Variants in GRAMD1B observed in about 807,000 individuals in gnomAD.
GRAMD1B encodes the protein GRAM domain containing 1B, also known as protein Aster-B.
GRAMD1B carries 37 observed loss-of-function variants against 99.7 expected under a neutral mutation model. The ratio of observed to expected loss-of-function variants is 0.37; its 90% CI spans 0.29 to 0.49. The LOEUF (loss-of-function observed/expected upper bound fraction) is 0.49. GRAMD1B is among the 20% of genes least tolerant of loss of function. The pLI is 0.98. For missense variants in GRAMD1B, 888 were observed against 1,009.2 expected (o/e 0.88, Z 1.63); for synonymous variants, 427 against 387.6 (o/e 1.10, Z -1.19).
At chr11:123,614,017 A>G (rs1213768436) in intron 16 of GRAMD1B, among the ~76,000 whole-genome samples, 1 of 152,128 alleles carries the variant, frequency 6.6e-6, no homozygotes, top group Non-Finnish European at 1.5e-5. Context: ...ACCTCATTAC[A>G]CAAAGATCAG....
chr11:123,424,253 CAAAAAAAAAAAA>C (rs1029881122), intron 1 of GRAMD1B, among the ~76,000 whole-genome samples: 64 of 104,278 alleles, frequency 6.1e-4, no homozygotes, highest in Non-Finnish European at 1.1e-3. Context: ...CCCCCAACAC[CAAAAAAAAAAAA>C]AAAAAGAAAA....
intron 2 of GRAMD1B, among the ~76,000 whole-genome samples, chr11:123,526,876 A>C (rs1448187184): frequency 2.6e-5 from 4 of 152,216 alleles, no homozygotes; most frequent in Admixed American, 6.5e-5. Context: ...TTAAAAAATA[A>C]AACCTTTACC....
At chr11:123,533,521 G>C (rs1359113366) in intron 2 of GRAMD1B, among the ~76,000 whole-genome samples, 5 of 151,722 alleles carry the variant, frequency 3.3e-5, no homozygotes, top group Non-Finnish European at 7.4e-5. Context: ...CTGCCTCCTG[G>C]GTTCAAGTGA....
At chr11:123,608,830 A>G in intron 12 of GRAMD1B, 28 bp downstream of exon 12, 1 of 1,377,164 alleles carries the variant, frequency 7.3e-7, no homozygotes, top group Non-Finnish European at 1.0e-6. Flanking sequence ...TGTACCCCCC[A>G]TTCCTCCCTC....
chr11:123,396,300 A>C lies in GRAMD1B; in HGVS notation c.-176+37501A>C, dbSNP rs1406777047. On this transcript the variant is annotated intron_variant, in intron 1 of 20. Coordinates refer to the GRAMD1B transcript ENST00000638157. ...TCTTCTTCTTTTTTTTTTGAGACAG[A>C]GCTTAGCTCTTGTTGTCCAGGCTGG... Among the ~76,000 whole-genome samples, 5 of 140,046 alleles carry C rather than the reference A, an allele frequency of 3.6e-5. No individual in the cohort carries two copies. In the East Asian group the frequency reaches 1.0e-3, roughly 29 times the overall value. 91.9% of individuals were successfully genotyped at this position (140,046 alleles called of 152,430 possible).
chr11:123,498,136 G>A (rs114127719), intron 2 of GRAMD1B, among the ~76,000 whole-genome samples: 1,750 of 152,272 alleles, frequency 0.011, 30 homozygotes, highest in African/African-American at 0.04. Context: ...AGGGCAGTGA[G>A]CTCCCCTCTG....
chr11:123,572,891 G>C (rs1458433289), intron 2 of GRAMD1B, among the ~76,000 whole-genome samples: 1 of 143,722 alleles, frequency 7.0e-6, no homozygotes, highest in Non-Finnish European at 1.5e-5. Context: ...GCTGGGACAG[G>C]GGCGCAGGTA....
chr11:123,486,564 A>AAAAAAAAAAAAAAG (rs779982778), intron 2 of GRAMD1B, among the ~76,000 whole-genome samples: 2 of 147,630 alleles, frequency 1.4e-5, no homozygotes, highest in African/African-American at 2.5e-5. Flanking sequence ...GAAAAAAAAA[A>AAAAAAAAAAAAAAG]AAAAACAAAA....
chr11:123,578,281 AG>A, intron 3 of GRAMD1B: 1 of 702,854 alleles, frequency 1.4e-6, no homozygotes, highest in South Asian at 1.6e-5. Context: ...GGGCCTGGGA[AG>A]GGGTTGGGGA....
intron 2 of GRAMD1B, among the ~76,000 whole-genome samples, chr11:123,531,074 G>T (rs1943323962): frequency 6.6e-6 from 1 of 152,168 alleles, no homozygotes; most frequent in Non-Finnish European, 1.5e-5. Context: ...TAGCCAGCAG[G>T]GGACACTGAA....
intron 1 of GRAMD1B, among the ~76,000 whole-genome samples, chr11:123,379,457 G>A (rs1946799612): frequency 6.6e-6 from 1 of 151,806 alleles, no homozygotes; most frequent in African/African-American, 2.4e-5. Flanking sequence ...GGCCTTCTGT[G>A]TTCTTTCACT....
chr11:123,384,898 C>T lies in GRAMD1B; in HGVS notation c.-176+26099C>T, dbSNP rs541890014. Among the ~76,000 whole-genome samples, 155 of 152,288 alleles carry T rather than the reference C, an allele frequency of 1.0e-3. 1 individual carries two copies. Among genetic ancestry groups the T allele is most frequent in the Non-Finnish European group, 1.7e-3 (118 of 68,006 alleles). On this transcript the variant is annotated intron_variant, in intron 1 of 20. Coordinates refer to the GRAMD1B transcript ENST00000638157. ...CTCTGCCACTGTAAAGCAAAAGAAA[C>T]TATAAATAAAATATCAATTAATAGG...
At position 123,486,377 on chromosome 11, in the gene GRAMD1B, G is replaced by A. The variant is rs1188332434; in HGVS notation, c.452+5484G>A. Among the ~76,000 whole-genome samples the A allele has an allele frequency of 3.9e-5, 6 of 151,916 alleles. No individual in the cohort carries two copies. The South Asian group carries it at 6.2e-4, about 16-fold the overall frequency. On this transcript the variant is annotated intron_variant, in intron 2 of 19. Coordinates refer to ENST00000635736, the MANE Select transcript of GRAMD1B (RefSeq NM_001387025.1). ...AGCCTGAGAAACATGGCAAAAGCCC[G>A]TCTTTATCAAAACTACAAAAAATTA...
chr11:123,454,118 G>T (rs1233815703), intron 1 of GRAMD1B, among the ~76,000 whole-genome samples: 1 of 152,182 alleles, frequency 6.6e-6, no homozygotes, highest in Non-Finnish European at 1.5e-5. Flanking sequence ...TGGGACAAGC[G>T]TTCTTTCCGC....
At chr11:123,440,877 T>C (rs968990204) in intron 1 of GRAMD1B, among the ~76,000 whole-genome samples, 2 of 152,130 alleles carry the variant, frequency 1.3e-5, no homozygotes, top group African/African-American at 2.4e-5. Flanking sequence ...TGGGAGGTAA[T>C]TGAATCATGG....
intron 1 of GRAMD1B, among the ~76,000 whole-genome samples, chr11:123,436,092 G>T (rs539683371): frequency 2.6e-5 from 4 of 151,742 alleles, no homozygotes; most frequent in Non-Finnish European, 5.9e-5. Flanking sequence ...ACAGAAGCTC[G>T]CCACCACGCC....
intron 1 of GRAMD1B, chr11:123,454,620 T>C (rs1200533178): frequency 6.6e-6 from 1 of 152,228 alleles, no homozygotes; most frequent in Non-Finnish European, 1.5e-5. Context: ...TCCTATAAAA[T>C]GGCTTCATGA....
At chr11:123,388,567 G>A (rs1363159102) in intron 1 of GRAMD1B, among the ~76,000 whole-genome samples, 6 of 152,040 alleles carry the variant, frequency 3.9e-5, no homozygotes, top group Admixed American at 6.5e-5. Flanking sequence ...CCAGCTACTC[G>A]AGAGGCTGAG....
chr11:123,417,074 C>T (rs56293557), intron 1 of GRAMD1B, among the ~76,000 whole-genome samples: 18,502 of 152,196 alleles, frequency 0.12, 1,471 homozygotes, highest in African/African-American at 0.23. Flanking sequence ...GGTCATGTGA[C>T]GGATATTAAG....
Sources: gnomAD v4.1 joint callset for allele counts (sites outside exome capture counted in the v4.1 genomes callset) on GRCh38, gnomAD v4.1.1 for gene constraint, MANE v1.5 for transcripts, NCBI Gene and HGNC (gene_info 2026-07-23, HGNC 2026-07-21) for gene names.